Variants in NBEAL1 observed in about 807,000 individuals in gnomAD.
NBEAL1 encodes the protein neurobeachin like 1, also known as neurobeachin-like protein 1.
Under a neutral mutation model 351.3 loss-of-function variants are expected in NBEAL1, and 273 were observed. That is an observed-to-expected ratio of 0.78 (90% confidence interval 0.70 to 0.86). NBEAL1 has a LOEUF of 0.86. Ranked by LOEUF, NBEAL1 falls within the 40% of genes least tolerant of loss-of-function variation. NBEAL1 has a pLI of 0.00. For synonymous variants in NBEAL1, 1,050 were observed against 1,086.4 expected (o/e 0.97, Z 0.66); for missense variants, 2,961 against 3,201.3 (o/e 0.92, Z 1.81).
intron 30 of NBEAL1, 40 bp from the exon 31 acceptor site, chr2:203,138,580 C>T: frequency 6.5e-7 from 1 of 1,546,402 alleles, no homozygotes; most frequent in Non-Finnish European, 8.7e-7. Flanking sequence ...AATTGAAAAA[C>T]TGAATGTTTT....
chr2:203,199,254 C>T (rs1293805647), intron 48 of NBEAL1, 84 bp from the exon 49 acceptor site: 3 of 731,546 alleles, frequency 4.1e-6, no homozygotes, highest in Non-Finnish European at 7.2e-6. Context: ...GTGATAAATG[C>T]CAATGTCATG....
intron 1 of NBEAL1, among the ~76,000 whole-genome samples, chr2:203,015,246 G>C (rs1012959361): frequency 6.6e-6 from 1 of 152,140 alleles, no homozygotes; most frequent in African/African-American, 2.4e-5. Context: ...CTTGGGATGT[G>C]AGGAGGAAAT....
intron 42 of NBEAL1, among the ~76,000 whole-genome samples, chr2:203,180,140 A>C (rs1008900871): frequency 6.6e-6 from 1 of 152,170 alleles, no homozygotes; most frequent in Non-Finnish European, 1.5e-5. Flanking sequence ...TTGGTTTTCA[A>C]CTAATTCAAC....
chr2:203,211,924 G>C (rs140471205), intron 54 of NBEAL1, among the ~76,000 whole-genome samples: 3,148 of 152,164 alleles, frequency 0.021, 123 homozygotes, highest in African/African-American at 0.072. Flanking sequence ...GTCTTGCTCT[G>C]TCACCCAGGC....
rs565856667 is a variant in NBEAL1, at chr2:203,221,890, T to C, written c.*4536T>C. 1.3e-5 allele frequency among the ~76,000 whole-genome samples: 2 copies of C among 152,282 alleles called. No homozygotes were observed. Among genetic ancestry groups the C allele is most frequent in the East Asian group, 1.9e-4 (1 of 5,190 alleles). On this transcript the variant is annotated 3_prime_UTR_variant, in exon 56 of 56. Coordinates refer to ENST00000683969, the MANE Select transcript of NBEAL1 (RefSeq NM_001378026.1). Reference sequence around the variant, plus strand: ...TTAAAATGTGGACCACAGCCTGCCTTCTTTAGTTTAAATCTAGGCCAAGCA... The same window carrying C: ...TTAAAATGTGGACCACAGCCTGCCTCCTTTAGTTTAAATCTAGGCCAAGCA...
intron 11 of NBEAL1, among the ~76,000 whole-genome samples, chr2:203,099,163 C>T (rs1268171062): frequency 6.6e-6 from 1 of 151,500 alleles, no homozygotes; most frequent in Non-Finnish European, 1.5e-5. Context: ...GTAATCTCAG[C>T]TACTCAGGAG....
At chr2:203,037,328 CAT>C (rs2106032689) in intron 2 of NBEAL1, among the ~76,000 whole-genome samples, 1 of 148,982 alleles carries the variant, frequency 6.7e-6, no homozygotes, top group East Asian at 1.9e-4. Context: ...TCCTAAATCA[CAT>C]ATTGAAATCT....
At chr2:203,032,810 A>G (rs1370248897) in intron 2 of NBEAL1, among the ~76,000 whole-genome samples, 32 of 136,576 alleles carry the variant, frequency 2.3e-4, no homozygotes, top group East Asian at 9.4e-4. Context: ...GACTACAGGC[A>G]CACACCACCA....
intron 40 of NBEAL1, among the ~76,000 whole-genome samples, 190 bp from the exon 41 acceptor site, chr2:203,172,539 A>G (rs962151604): frequency 3.9e-5 from 6 of 152,178 alleles, no homozygotes; most frequent in African/African-American, 1.4e-4. Flanking sequence ...AGAAAAGAAA[A>G]GATTCCAGTG....
chr2:203,070,862 C>T (rs150768650), intron 7 of NBEAL1, among the ~76,000 whole-genome samples: 21 of 152,270 alleles, frequency 1.4e-4, no homozygotes, highest in South Asian at 2.1e-4. Context: ...ACCTCCAACA[C>T]TGGGGATTAC....
chr2:203,198,139 A>C (rs576495254), intron 48 of NBEAL1, among the ~76,000 whole-genome samples: 48 of 149,206 alleles, frequency 3.2e-4, no homozygotes, highest in Admixed American at 1.0e-3. Context: ...CGGCCTCCTG[A>C]GTAGCTGGGA....
intron 10 of NBEAL1, among the ~76,000 whole-genome samples, chr2:203,089,958 CTT>C (rs2062033748): frequency 6.6e-6 from 1 of 152,132 alleles, no homozygotes; most frequent in Admixed American, 6.5e-5. Flanking sequence ...TCCTTTGCCA[CTT>C]TGAGAAAAAT....
Position 203,217,917 on chromosome 2 carries a change from T to C in NBEAL1, c.*563T>C, listed in dbSNP as rs144338638. On this transcript the variant is annotated 3_prime_UTR_variant, in exon 56 of 56. Transcript: ENST00000683969. ...GTACATTAGCTAATTCTATTACTACTTAGCGTGTTTCTAATGAGAAGTTAC... is the reference window on the plus strand; with the variant it reads ...GTACATTAGCTAATTCTATTACTACCTAGCGTGTTTCTAATGAGAAGTTAC... 4.6e-4 allele frequency: 443 copies of C among 971,732 alleles called. 9 individuals are homozygous for C. Among genetic ancestry groups the C allele is most frequent in the Non-Finnish European group, 5.4e-5 (44 of 817,470 alleles). The allele number at this position is 971,732 out of a possible 1,614,324, so 60.2% of individuals were successfully genotyped here.
At position 203,070,867 on chromosome 2, in the gene NBEAL1, G is replaced by T. The variant is rs527727566; in HGVS notation, c.598+2392G>T. ...ACCAGGCCCCACCTCCAACACTGGG[G>T]ATTACAGTTGAACACGAGATTTCAG... On this transcript the variant is annotated intron_variant, in intron 7 of 55. Coordinates refer to ENST00000683969, the MANE Select transcript of NBEAL1 (RefSeq NM_001378026.1). Among the ~76,000 whole-genome samples the T allele has an allele frequency of 6.6e-5, 10 of 152,264 alleles. 1 individual carries two copies. The South Asian group carries it at 2.1e-3, about 32-fold the overall frequency.
intron 44 of NBEAL1, among the ~76,000 whole-genome samples, chr2:203,184,564 C>T (rs1175826304): frequency 6.6e-6 from 1 of 152,018 alleles, no homozygotes; most frequent in Non-Finnish European, 1.5e-5. Flanking sequence ...CTCCACTTTT[C>T]CCCACAGTAG....
chr2:203,188,996 A>G (rs879512130), intron 45 of NBEAL1, among the ~76,000 whole-genome samples: 4 of 152,230 alleles, frequency 2.6e-5, no homozygotes, highest in Admixed American at 2.6e-4. Flanking sequence ...TGATTTTTAA[A>G]AAGTAGTTCT....
chr2:203,111,367 G>GT (rs554929476), intron 15 of NBEAL1, among the ~76,000 whole-genome samples: 77 of 150,512 alleles, frequency 5.1e-4, no homozygotes, highest in African/African-American at 1.3e-3. Context: ...ATTGTTTTGT[G>GT]TTTTTTTTTG....
intron 27 of NBEAL1, among the ~76,000 whole-genome samples, chr2:203,133,613 C>G (rs17408550): frequency 0.44 from 66,243 of 151,450 alleles, 16,924 homozygotes; most frequent in Middle Eastern, 0.68. Context: ...TCATAACTTT[C>G]TCTGTCCTCC....
At chr2:203,031,314 A>G (rs1393067769) in intron 2 of NBEAL1, among the ~76,000 whole-genome samples, 2 of 152,218 alleles carry the variant, frequency 1.3e-5, no homozygotes, top group Non-Finnish European at 2.9e-5. Context: ...AAAACATACA[A>G]TTGTGATCGT....
Sources: gnomAD v4.1 joint callset for allele counts (sites outside exome capture counted in the v4.1 genomes callset) on GRCh38, gnomAD v4.1.1 for gene constraint, MANE v1.5 for transcripts, NCBI Gene and HGNC (gene_info 2026-07-23, HGNC 2026-07-21) for gene names.